LUZP2: variants seen among roughly 807,000 people sequenced by gnomAD.
LUZP2 encodes the protein leucine zipper protein 2.
Under a neutral mutation model 51.6 loss-of-function variants are expected in LUZP2, and 52 were observed. That is an observed-to-expected ratio of 1.01 (90% CI 0.81 to 1.27). LUZP2 has a LOEUF of 1.27. LUZP2 is among the 50% of genes most tolerant of loss of function. The pLI is 0.00. For synonymous variants in LUZP2, 154 were observed against 137.3 expected (o/e 1.12, Z -0.85); for missense variants, 436 against 395.4 (o/e 1.10, Z -0.87).
intron 9 of LUZP2, among the ~76,000 whole-genome samples, chr11:25,000,893 C>A (rs903067660): frequency 2.0e-5 from 3 of 147,124 alleles, no homozygotes; most frequent in Non-Finnish European, 4.5e-5. Context: ...TTATTTCTTG[C>A]AAACAGTCTG....
chr11:24,999,875 C>T (rs1327207028), intron 9 of LUZP2, among the ~76,000 whole-genome samples: 4 of 151,928 alleles, frequency 2.6e-5, no homozygotes. Context: ...TAGTGTGGAC[C>T]CAAAGAGTGA....
chr11:24,671,535 T>C (rs1856401378), intron 1 of LUZP2, among the ~76,000 whole-genome samples: 1 of 150,992 alleles, frequency 6.6e-6, no homozygotes, highest in South Asian at 2.1e-4. Flanking sequence ...AAATAATCTT[T>C]CACCTAATTA....
At chr11:24,751,579 C>A in intron 4 of LUZP2, 1 of 982,810 alleles carries the variant, frequency 1.0e-6, no homozygotes, top group African/African-American at 1.7e-5. Flanking sequence ...CACCCCATCT[C>A]CCTTAGATCC....
intron 1 of LUZP2, among the ~76,000 whole-genome samples, chr11:24,623,846 C>A (rs1208376774): frequency 6.6e-6 from 1 of 152,072 alleles, no homozygotes; most frequent in African/African-American, 2.4e-5. Context: ...GACCCCATAT[C>A]AAAAATTAAA....
intron 9 of LUZP2, among the ~76,000 whole-genome samples, chr11:25,039,936 C>G (rs1857989939): frequency 6.6e-6 from 1 of 152,036 alleles, no homozygotes; most frequent in Non-Finnish European, 1.5e-5. Context: ...GACACTTTCT[C>G]TGATCACACT....
At chr11:24,751,502 A>G (rs1373329488) in intron 4 of LUZP2, 3 of 710,284 alleles carry the variant, frequency 4.2e-6, no homozygotes, top group Non-Finnish European at 5.2e-6. Flanking sequence ...AGGTAACATC[A>G]GTGCAGTACA....
intron 1 of LUZP2, among the ~76,000 whole-genome samples, chr11:24,583,465 G>A (rs1441601631): frequency 6.6e-6 from 1 of 151,812 alleles, no homozygotes; most frequent in African/African-American, 2.4e-5. Context: ...GGTTGTGTGA[G>A]GAAACTATCA....
intron 1 of LUZP2, among the ~76,000 whole-genome samples, chr11:24,612,647 G>T (rs982962919): frequency 6.6e-6 from 1 of 152,032 alleles, no homozygotes; most frequent in African/African-American, 2.4e-5. Flanking sequence ...TAGATGATTA[G>T]CAGAATATAA....
intron 9 of LUZP2, among the ~76,000 whole-genome samples, chr11:25,019,414 G>A (rs4923228): frequency 0.59 from 88,918 of 151,912 alleles, 27,233 homozygotes; most frequent in African/African-American, 0.77. Context: ...AAAATTAATT[G>A]TAAATTTGAT....
intron 4 of LUZP2, among the ~76,000 whole-genome samples, chr11:24,745,165 G>A (rs1293297502): frequency 6.6e-6 from 1 of 152,118 alleles, no homozygotes; most frequent in Non-Finnish European, 1.5e-5. Context: ...ATGCGCTGTT[G>A]AATAGAATGT....
At chr11:25,048,246 T>C (rs956451703) in intron 9 of LUZP2, among the ~76,000 whole-genome samples, 1 of 152,220 alleles carries the variant, frequency 6.6e-6, no homozygotes, top group Non-Finnish European at 1.5e-5. Context: ...AGTCTCATTC[T>C]TCCGTTTCTT....
chr11:24,835,243 A>G (rs1032080394), intron 5 of LUZP2, among the ~76,000 whole-genome samples: 2 of 152,184 alleles, frequency 1.3e-5, no homozygotes, highest in Admixed American at 1.3e-4. Context: ...TACTGAGAAA[A>G]CTAGCCAGCC....
intron 5 of LUZP2, among the ~76,000 whole-genome samples, chr11:24,831,483 G>T (rs1850704932): frequency 6.6e-6 from 1 of 152,110 alleles, no homozygotes; most frequent in African/African-American, 2.4e-5. Context: ...TTGAAAGAAG[G>T]TACAGGCAGT....
intron 5 of LUZP2, among the ~76,000 whole-genome samples, chr11:24,784,858 A>T (rs956672041): frequency 6.6e-6 from 1 of 152,098 alleles, no homozygotes; most frequent in East Asian, 1.9e-4. Flanking sequence ...AATGTGTATG[A>T]TATACATTTA....
chr11:24,717,533 G>A (rs12807784), intron 1 of LUZP2, among the ~76,000 whole-genome samples: 1 of 149,696 alleles, frequency 6.7e-6, no homozygotes, highest in African/African-American at 2.5e-5. Context: ...TCAGCTTTCC[G>A]AGTAGCTGGG....
At chr11:24,803,843 T>A (rs1386243) in intron 5 of LUZP2, among the ~76,000 whole-genome samples, 2,846 of 152,036 alleles carry the variant, frequency 0.019, 98 homozygotes, top group African/African-American at 0.065. Context: ...ACAATAATTC[T>A]ATTTATATAA....
Position 24,738,319 on chromosome 11 carries a change from T to C in LUZP2, c.333+17T>C. On this transcript the variant is annotated intron_variant, in intron 4 of 11. Coordinates refer to ENST00000336930, the MANE Select transcript of LUZP2 (RefSeq NM_001009909.4). ...CAGGCTACTGTAAGTGTGTTTCTTC[T>C]TTGTGCCTTTTGCTTTTGGGCTGGG... 1 of 1,582,048 alleles carries C rather than the reference T, an allele frequency of 6.3e-7. No individual in the cohort carries two copies. The highest frequency in any genetic ancestry group is 8.7e-7 in the Non-Finnish European group (1 of 1,152,894).
chr11:24,729,130 C>G (rs778739061), intron 1 of LUZP2, 39 bp from the exon 2 acceptor site: 1 of 1,095,184 alleles, frequency 9.1e-7, no homozygotes, highest in Non-Finnish European at 1.3e-6. Context: ...CCAAGTGGAA[C>G]CATTTGGGGG....
intron 1 of LUZP2, among the ~76,000 whole-genome samples, chr11:24,581,595 C>T (rs1001240296): frequency 4.0e-5 from 6 of 151,736 alleles, no homozygotes; most frequent in African/African-American, 1.5e-4. Context: ...CGCTTGAACT[C>T]GGGAGGTGGA....
Sources: allele counts gnomAD v4.1 joint callset (sites outside exome capture counted in the v4.1 genomes callset), GRCh38; gene constraint gnomAD v4.1.1; transcripts MANE v1.5; gene names NCBI Gene and HGNC (gene_info 2026-07-23, HGNC 2026-07-21).